HPGD: variants seen among roughly 807,000 people sequenced by gnomAD.
HPGD encodes the protein 15-hydroxyprostaglandin dehydrogenase.
Under a neutral mutation model 30.0 loss-of-function variants are expected in HPGD, and 29 were observed. The ratio of observed to expected loss-of-function variants is 0.97; its 90% CI spans 0.72 to 1.32. The LOEUF is 1.32. Ranked by LOEUF, HPGD falls within the 40% of genes most tolerant of loss-of-function variation. The pLI, the probability that HPGD is intolerant of heterozygous loss-of-function variation, is 0.00. For missense variants in HPGD, 340 were observed against 322.1 expected, an observed-to-expected ratio of 1.06 and a Z score of -0.43; for synonymous variants, 99 against 112.4, an observed-to-expected ratio of 0.88 and a Z score of 0.75.
At chr4:174,516,659 C>CAACAA (rs1341758382) in intron 3 of HPGD, among the ~76,000 whole-genome samples, 1 of 151,952 alleles carries the variant, frequency 6.6e-6, no homozygotes, top group Non-Finnish European at 1.5e-5. Context: ...AAAGAAAAGC[C>CAACAA]AACAAAAATA....
chr4:174,499,220 C>T (rs1217030422), intron 4 of HPGD, among the ~76,000 whole-genome samples: 1 of 152,132 alleles, frequency 6.6e-6, no homozygotes, highest in Non-Finnish European at 1.5e-5. Context: ...GTAAACTGTG[C>T]CGCTTATGTT....
chr4:174,493,860 A>G (rs143696426), intron 5 of HPGD, among the ~76,000 whole-genome samples: 1 of 152,284 alleles, frequency 6.6e-6, no homozygotes, highest in East Asian at 1.9e-4. Context: ...TTATTCATGG[A>G]TTACATATAA....
At chr4:174,522,515 A>C, upstream of HPGD, 1 of 1,314,798 alleles carries the variant, frequency 7.6e-7, no homozygotes, top group East Asian at 2.7e-5. Flanking sequence ...CGCGGCTTTT[A>C]TGCCCCCCTG....
At position 174,492,344 on chromosome 4, in the gene HPGD, G is replaced by C. The variant is rs931006440; in HGVS notation, c.663-250C>G. On this transcript the variant is annotated intron_variant, in intron 6 of 6. Coordinates refer to ENST00000296522, the MANE Select transcript of HPGD (RefSeq NM_000860.6). The surrounding 1 kb of genome is among the most constrained non-coding windows in gnomAD (Gnocchi z 4.9). ...ACTAAATTATTTGATAAATTTAGCTGTAACCTTCCATCATTTTGGCAGGAG... is the reference window on the plus strand; with the variant it reads ...ACTAAATTATTTGATAAATTTAGCTCTAACCTTCCATCATTTTGGCAGGAG... Among the ~76,000 whole-genome samples, 1 of 151,774 alleles carries C rather than the reference G, an allele frequency of 6.6e-6. No homozygotes were observed. Among genetic ancestry groups the C allele is most frequent in the Non-Finnish European group, 1.5e-5 (1 of 67,790 alleles).
chr4:174,518,142 C>A, intron 2 of HPGD, 65 bp from the exon 3 acceptor site: 1 of 808,922 alleles, frequency 1.2e-6, no homozygotes, highest in Non-Finnish European at 2.1e-6. Context: ...AAATCATGTC[C>A]TATGCCATGA....
At chr4:174,500,382 T>G (rs184711977) in intron 4 of HPGD, among the ~76,000 whole-genome samples, 2 of 152,284 alleles carry the variant, frequency 1.3e-5, no homozygotes, top group Non-Finnish European at 2.9e-5. Flanking sequence ...TGCAATACAA[T>G]CCAACATTTA....
Position 174,504,565 on chromosome 4 carries a change from C to T in HPGD, c.421+4131G>A, listed in dbSNP as rs928939097. On this transcript the variant is annotated intron_variant, in intron 4 of 6. Transcript: ENST00000296522. Reference sequence around the variant, plus strand: ...AACTGCGCCTGTAATCCCAGCACTTCGGGAGGCTGAGGCAGGCAGATCACC... The same window carrying T: ...AACTGCGCCTGTAATCCCAGCACTTTGGGAGGCTGAGGCAGGCAGATCACC... 2.6e-5 allele frequency among the ~76,000 whole-genome samples: 4 copies of T among 151,226 alleles called. No homozygotes were observed. The South Asian group carries it at 8.4e-4, about 32-fold the overall frequency.
At chr4:174,510,560 A>G (rs1560984858) in intron 3 of HPGD, among the ~76,000 whole-genome samples, 2 of 152,256 alleles carry the variant, frequency 1.3e-5, no homozygotes, top group South Asian at 4.1e-4. Flanking sequence ...AAAATTTGAG[A>G]TTTTTTAAGA....
chr4:174,497,380 A>C (rs1345873002), intron 4 of HPGD, among the ~76,000 whole-genome samples: 1 of 152,106 alleles, frequency 6.6e-6, no homozygotes, highest in Non-Finnish European at 1.5e-5. Context: ...GTAATAAGCA[A>C]AGACAACATA....
In HPGD at chr4:174,496,876, T is replaced by A. The variant is rs1459368610; in HGVS notation, c.422-1252A>T. Reference sequence around the variant, plus strand: ...AGTTTAAATCCCTGAGGATGGTAGATCACACCTAGTGTGTCCACCCAATGA... The same window carrying A: ...AGTTTAAATCCCTGAGGATGGTAGAACACACCTAGTGTGTCCACCCAATGA... On this transcript the variant is annotated intron_variant, in intron 4 of 6. Coordinates refer to ENST00000296522, the MANE Select transcript of HPGD (RefSeq NM_000860.6). The surrounding 1 kb of genome is among the most constrained non-coding windows in gnomAD (Gnocchi z 4.6). 1.3e-5 allele frequency among the ~76,000 whole-genome samples: 2 copies of A among 152,340 alleles called. No homozygotes were observed. Among genetic ancestry groups the A allele is most frequent in the South Asian group, 4.1e-4 (2 of 4,820 alleles).
chr4:174,504,415 G>C (rs1462678258), intron 4 of HPGD, among the ~76,000 whole-genome samples: 2 of 152,144 alleles, frequency 1.3e-5, no homozygotes, highest in Non-Finnish European at 2.9e-5. Context: ...CTGAGTGACA[G>C]AGCATGTCCC....
chr4:174,509,220 G>T (rs1422022208), intron 3 of HPGD, among the ~76,000 whole-genome samples: 1 of 151,956 alleles, frequency 6.6e-6, no homozygotes, highest in Admixed American at 6.6e-5. Flanking sequence ...TAATTCTCTT[G>T]GATCTTGGAA....
chr4:174,511,823 T>C (rs900295038), intron 3 of HPGD, among the ~76,000 whole-genome samples: 5 of 152,150 alleles, frequency 3.3e-5, no homozygotes, highest in African/African-American at 1.2e-4. Context: ...AATTTTTGTA[T>C]TTTTAGTAGA....
At position 174,494,304 on chromosome 4, in the gene HPGD, T is replaced by C. The variant is rs1734479763; in HGVS notation, c.499-990A>G. On this transcript the variant is annotated intron_variant, in intron 5 of 6. Coordinates refer to ENST00000296522, the MANE Select transcript of HPGD (RefSeq NM_000860.6). The surrounding 1 kb of genome is among the most constrained non-coding windows in gnomAD (Gnocchi z 4.9). The stretch of plus-strand genomic sequence containing the variant: ...ATGTATTGACTGGTTGATTGGAGTT[T>C]TGTGACCAGAGGCTTTCAGGAACTT... 6.6e-6 allele frequency among the ~76,000 whole-genome samples: 1 copy of C among 152,218 alleles called. No individual in the cohort carries two copies. Among genetic ancestry groups the C allele is most frequent in the African/African-American group, 2.4e-5 (1 of 41,458 alleles).
At chr4:174,503,480 C>CA (rs1735023542) in intron 4 of HPGD, among the ~76,000 whole-genome samples, 1 of 152,138 alleles carries the variant, frequency 6.6e-6, no homozygotes, top group Admixed American at 6.5e-5. Flanking sequence ...GTCATAAAGC[C>CA]AATAGTTTAC....
chr4:174,511,733 G>A (rs375851551), intron 3 of HPGD, among the ~76,000 whole-genome samples: 3 of 152,040 alleles, frequency 2.0e-5, no homozygotes, highest in Admixed American at 6.5e-5. Flanking sequence ...TGCAAGCTCC[G>A]CCTCCCGGGT....
At position 174,518,085 on chromosome 4, in the gene HPGD, T is replaced by C. The variant is rs755218804; in HGVS notation, c.218-8A>G. On this transcript the variant is annotated splice_polypyrimidine_tract_variant and splice_region_variant and intron_variant, in intron 2 of 6. Coordinates refer to ENST00000296522, the MANE Select transcript of HPGD (RefSeq NM_000860.6). Reference sequence around the variant, plus strand: ...CAACTTTTCTAAAAGTGTCTAATTATAAAACAAGATATTAGTGATACATTC... The same window carrying C: ...CAACTTTTCTAAAAGTGTCTAATTACAAAACAAGATATTAGTGATACATTC... 3 of 1,271,658 alleles carry C rather than the reference T, an allele frequency of 2.4e-6. No homozygotes were observed. The highest frequency in any genetic ancestry group is 2.3e-6 in the Non-Finnish European group (2 of 869,338). 78.8% of individuals were successfully genotyped at this position (1,271,658 alleles called of 1,614,324 possible). A position where few individuals can be genotyped will look rare whatever the true frequency, so the allele number is the denominator to read the frequency against.
At chr4:174,515,564 T>C (rs1049948496) in intron 3 of HPGD, among the ~76,000 whole-genome samples, 47 of 151,948 alleles carry the variant, frequency 3.1e-4, no homozygotes, top group African/African-American at 1.0e-3. Flanking sequence ...AGACATGCCA[T>C]GGCAAAGATC....
upstream of HPGD, chr4:174,522,489 C>A: frequency 6.8e-7 from 1 of 1,473,416 alleles, no homozygotes; most frequent in Non-Finnish European, 9.1e-7. Flanking sequence ...GGGCGAGCTC[C>A]GCGTCTCCGC....
Sources: allele counts gnomAD v4.1 joint callset (sites outside exome capture counted in the v4.1 genomes callset), GRCh38; gene constraint gnomAD v4.1.1; non-coding constraint Gnocchi (gnomAD v3.1); transcripts MANE v1.5; gene names NCBI Gene and HGNC (gene_info 2026-07-23, HGNC 2026-07-21).